Variants in CACNA1E observed in about 807,000 individuals in gnomAD.
CACNA1E encodes the protein voltage-dependent R-type calcium channel subunit alpha-1E.
In CACNA1E, 40 loss-of-function variants were observed where a neutral mutation model predicts 259.2. That is an observed-to-expected ratio of 0.15 (90% CI 0.12 to 0.20). The LOEUF (loss-of-function observed/expected upper bound fraction) is 0.20. Among genes scored for constraint, CACNA1E ranks in the 10% least tolerant of loss-of-function variants. The pLI is 1.00. For synonymous variants in CACNA1E, 1,104 were observed against 1,138.5 expected (o/e 0.97, Z 0.61); for missense variants, 1,874 against 3,040.1 (o/e 0.62, Z 9.02).
chr1:181,345,817 C>T (rs1192197794), intron 1 of CACNA1E, among the ~76,000 whole-genome samples: 2 of 152,200 alleles, frequency 1.3e-5, no homozygotes, highest in Non-Finnish European at 2.9e-5. Flanking sequence ...GGCCAAGGAC[C>T]GTCTGACAGA....
intron 3 of CACNA1E, among the ~76,000 whole-genome samples, chr1:181,565,148 G>A (rs756270700): frequency 1.5e-4 from 23 of 152,232 alleles, no homozygotes; most frequent in Middle Eastern, 3.4e-3. Context: ...GGCCACACCA[G>A]TTTTACCATC....
At chr1:181,520,667 T>A (rs1258730176) in intron 3 of CACNA1E, among the ~76,000 whole-genome samples, 2 of 152,208 alleles carry the variant, frequency 1.3e-5, no homozygotes, top group East Asian at 3.8e-4. Context: ...ACATAGGATG[T>A]ATCTTATTTC....
chr1:181,713,203 C>T (rs939931947), intron 8 of CACNA1E, among the ~76,000 whole-genome samples: 2 of 152,144 alleles, frequency 1.3e-5, no homozygotes, highest in Admixed American at 6.5e-5. Flanking sequence ...CACCACACAC[C>T]TTCCATCTGT....
intron 1 of CACNA1E, among the ~76,000 whole-genome samples, chr1:181,322,406 A>C (rs1222638261): frequency 6.6e-6 from 1 of 152,216 alleles, no homozygotes; most frequent in Non-Finnish European, 1.5e-5. Flanking sequence ...CCAAGTATAC[A>C]TGTTACAAAC....
intron 3 of CACNA1E, among the ~76,000 whole-genome samples, chr1:181,532,059 AAAAAG>A (rs982589059): frequency 6.6e-6 from 1 of 152,276 alleles, no homozygotes; most frequent in East Asian, 1.9e-4. Context: ...TCATCTCAAA[AAAAAG>A]AAAAGAAAAG....
intron 2 of CACNA1E, among the ~76,000 whole-genome samples, chr1:181,431,846 G>T (rs1659739295): frequency 6.6e-6 from 1 of 152,204 alleles, no homozygotes. Context: ...TCCTGTATCA[G>T]AAATTTTATT....
chr1:181,343,107 T>A (rs760844912), intron 1 of CACNA1E, among the ~76,000 whole-genome samples: 2 of 151,900 alleles, frequency 1.3e-5, no homozygotes, highest in Non-Finnish European at 2.9e-5. Context: ...AGGCATCAGT[T>A]AGGATGCCTC....
At chr1:181,410,922 G>C (rs1246902016) in intron 1 of CACNA1E, among the ~76,000 whole-genome samples, 2 of 152,202 alleles carry the variant, frequency 1.3e-5, no homozygotes, top group Non-Finnish European at 2.9e-5. Context: ...GTGTCTGGAG[G>C]GCAACTTTCT....
chr1:181,407,459 T>C (rs1657547472), intron 1 of CACNA1E, among the ~76,000 whole-genome samples: 1 of 152,150 alleles, frequency 6.6e-6, no homozygotes, highest in Non-Finnish European at 1.5e-5. Context: ...GAAGACATGG[T>C]TCCTAGGGGG....
At chr1:181,676,991 A>G (rs1572568956) in intron 7 of CACNA1E, among the ~76,000 whole-genome samples, 1 of 152,196 alleles carries the variant, frequency 6.6e-6, no homozygotes, top group East Asian at 1.9e-4. Context: ...ACTGTAATAG[A>G]TGGATTTAGA....
At chr1:181,749,588 G>A (rs1024867325) in intron 25 of CACNA1E, among the ~76,000 whole-genome samples, 5 of 152,134 alleles carry the variant, frequency 3.3e-5, no homozygotes, top group Admixed American at 3.3e-4. Context: ...TGTGAAATGG[G>A]GATAGTGATT....
Position 181,804,024 on chromosome 1 carries a change from T to C in CACNA1E, c.*5190T>C, listed in dbSNP as rs1043445019. On this transcript the variant is annotated 3_prime_UTR_variant, in exon 48 of 48. Transcript: ENST00000367573. The stretch of plus-strand genomic sequence containing the variant: ...GGAGTTAGTATCTTGAACTTCTAAA[T>C]GCAAAAGGAGATTTTATAATAAGCC... 5.3e-5 allele frequency: 8 copies of C among 152,228 alleles called. No individual in the cohort carries two copies. The highest frequency in any genetic ancestry group is 7.2e-5 in the African/African-American group (3 of 41,460). The allele number at this position is 152,228 out of a possible 1,614,324, so 9.4% of individuals were successfully genotyped here.
chr1:181,541,482 A>G (rs923805367), intron 3 of CACNA1E, among the ~76,000 whole-genome samples: 2 of 152,078 alleles, frequency 1.3e-5, no homozygotes, highest in East Asian at 3.9e-4. Flanking sequence ...TTGCAGTTTG[A>G]TGGTAACAGG....
chr1:181,589,013 C>T (rs898442548), intron 6 of CACNA1E, among the ~76,000 whole-genome samples: 1 of 152,238 alleles, frequency 6.6e-6, no homozygotes, highest in South Asian at 2.1e-4. Context: ...ATTATTCACT[C>T]GAAGACTTAT....
intron 33 of CACNA1E, 66 bp downstream of exon 33, chr1:181,762,723 G>C: frequency 2.2e-6 from 2 of 897,830 alleles, no homozygotes; most frequent in Non-Finnish European, 3.6e-6. Context: ...AAACTCCTCT[G>C]TATATTCAGT....
intron 1 of CACNA1E, among the ~76,000 whole-genome samples, chr1:181,396,969 T>A (rs1416560058): frequency 2.0e-5 from 3 of 152,224 alleles, no homozygotes; most frequent in African/African-American, 7.2e-5. Flanking sequence ...AGAAGATGCC[T>A]GGTTTGAACA....
intron 1 of CACNA1E, among the ~76,000 whole-genome samples, chr1:181,410,076 T>C (rs1338170644): frequency 6.6e-6 from 1 of 152,032 alleles, no homozygotes; most frequent in Non-Finnish European, 1.5e-5. Flanking sequence ...CTGAGAATTC[T>C]TGGAGTTGCT....
chr1:181,347,603 C>G (rs1229607546), intron 1 of CACNA1E, among the ~76,000 whole-genome samples: 2 of 152,216 alleles, frequency 1.3e-5, no homozygotes, highest in African/African-American at 4.8e-5. Flanking sequence ...GCCTCTGCAC[C>G]CACTCCTCCT....
chr1:181,333,302 C>T (rs1468075889), intron 1 of CACNA1E, among the ~76,000 whole-genome samples: 1 of 152,214 alleles, frequency 6.6e-6, no homozygotes, highest in Admixed American at 6.5e-5. Flanking sequence ...ACTTGCCCTG[C>T]CCTCTCCTCT....
Sources: allele counts gnomAD v4.1 joint callset (sites outside exome capture counted in the v4.1 genomes callset), GRCh38; gene constraint gnomAD v4.1.1; transcripts MANE v1.5; gene names NCBI Gene and HGNC (gene_info 2026-07-23, HGNC 2026-07-21).